Variants in COL6A6 observed in about 807,000 individuals in gnomAD.
COL6A6 encodes the protein collagen type VI alpha 6 chain, also known as collagen alpha-6(VI) chain.
In COL6A6, 183 loss-of-function variants were observed where a neutral mutation model predicts 208.6. The observed-to-expected ratio is 0.88, with a 90% CI of 0.78 to 0.99. COL6A6 has a LOEUF of 0.99. Ranked by LOEUF, COL6A6 falls within the 50% of genes least tolerant of loss-of-function variation. The probability of loss-of-function intolerance (pLI) is 0.00; values close to 1 mark genes in which losing one functional copy is unlikely to be tolerated. For synonymous variants in COL6A6, 973 were observed against 1,011.8 expected, an observed-to-expected ratio of 0.96 and a Z score of 0.73; for missense variants, 2,816 against 2,815.2, an observed-to-expected ratio of 1.00 and a Z score of -0.01.
rs1430128860 is a variant in COL6A6 at position 130,649,479 on chromosome 3, G to A, written c.5650G>A (p.Ala1884Thr). 3 of 1,610,544 alleles carry A rather than the reference G, an allele frequency of 1.9e-6. No individual in the cohort carries two copies. The highest frequency in any genetic ancestry group is 2.5e-6 in the Non-Finnish European group (3 of 1,178,510). The change falls in exon 33 of 37, where the codon GCT becomes ACT. Residue 1884 changes from alanine to threonine, a missense_variant. By Grantham distance (58) the Ala-to-Thr change is moderately conservative. Coordinates refer to ENST00000358511, the MANE Select transcript of COL6A6 (RefSeq NM_001102608.3). ...CGCGGATGCCCACTCCATCACCACG[G>A]CTGCCATGGAGTTCGGCGCGCTTGA... The part of the protein sequence containing the change: ...QSADAHSITT[A>T]AMEFGALEII...
chr3:130,602,618 T>C (rs1240421431), intron 20 of COL6A6, among the ~76,000 whole-genome samples: 1 of 152,064 alleles, frequency 6.6e-6, no homozygotes, highest in Non-Finnish European at 1.5e-5. Flanking sequence ...TGAGGAGAAA[T>C]GGAAGGGAAA....
At chr3:130,640,669 A>G (rs1005286132) in intron 28 of COL6A6, among the ~76,000 whole-genome samples, 2 of 152,096 alleles carry the variant, frequency 1.3e-5, no homozygotes, top group African/African-American at 4.8e-5. Context: ...AAATATTCCA[A>G]TTTTTAAACT....
intron 24 of COL6A6, among the ~76,000 whole-genome samples, chr3:130,624,433 C>T (rs1318117854): frequency 6.6e-6 from 1 of 152,060 alleles, no homozygotes; most frequent in Non-Finnish European, 1.5e-5. Context: ...GAGGATGTAA[C>T]AAGATAATGG....
intron 1 of COL6A6, among the ~76,000 whole-genome samples, chr3:130,557,917 A>T (rs576761771): frequency 7.9e-5 from 12 of 152,278 alleles, no homozygotes; most frequent in African/African-American, 2.6e-4. Flanking sequence ...TAGATTTTTT[A>T]AAAAGACCTT....
At position 130,565,374 on chromosome 3, in the gene COL6A6, G is replaced by T; in HGVS notation, c.1042G>T (p.Val348Leu). 1 of 1,613,916 alleles carries T rather than the reference G, an allele frequency of 6.2e-7. No individual in the cohort carries two copies. Among genetic ancestry groups the T allele is most frequent in the Non-Finnish European group, 8.5e-7 (1 of 1,179,888 alleles). The stretch of plus-strand genomic sequence containing the variant: ...GACCCACCGAGATTCAGAAGACAAC[G>T]TGACAAAAGCAGCTGTTAACCTCCG... ...LVTHRDSEDNVTKAAVNLRRE... is the reference protein window; with the variant it reads ...LVTHRDSEDNLTKAAVNLRRE... Residue 348 changes from valine (V) to leucine (L), a missense_variant, in exon 4 of 37, where the codon GTG (valine) becomes TTG (leucine). Coordinates refer to ENST00000358511, the MANE Select transcript of COL6A6 (RefSeq NM_001102608.3).
intron 1 of COL6A6, among the ~76,000 whole-genome samples, chr3:130,522,790 C>G (rs1196468619): frequency 6.6e-6 from 1 of 152,106 alleles, no homozygotes; most frequent in Admixed American, 6.6e-5. Context: ...TCTAATCAGT[C>G]TCCAAGTCTT....
At chr3:130,574,604 C>A in intron 8 of COL6A6, 79 bp downstream of exon 8, 2 of 1,181,488 alleles carry the variant, frequency 1.7e-6, no homozygotes, top group African/African-American at 1.5e-5. Context: ...TTGTCATCCC[C>A]TGGGGCTAGT....
chr3:130,610,961 G>A (rs1035104151), intron 23 of COL6A6, among the ~76,000 whole-genome samples: 5 of 152,112 alleles, frequency 3.3e-5, no homozygotes, highest in East Asian at 1.9e-4. Context: ...AAATCAGGTC[G>A]CATCACTCCC....
At chr3:130,588,274 T>C (rs2063586688) in intron 11 of COL6A6, among the ~76,000 whole-genome samples, 1 of 152,244 alleles carries the variant, frequency 6.6e-6, no homozygotes, top group African/African-American at 2.4e-5. Context: ...TAGAAATTTA[T>C]TGGGAAACTT....
At chr3:130,640,716 A>G (rs1002712560) in intron 28 of COL6A6, among the ~76,000 whole-genome samples, 1 of 152,088 alleles carries the variant, frequency 6.6e-6, no homozygotes, top group Non-Finnish European at 1.5e-5. Flanking sequence ...TGTTGAATGC[A>G]CGTGAAAATA....
intron 19 of COL6A6, among the ~76,000 whole-genome samples, chr3:130,598,915 T>G (rs1193654874): frequency 1.3e-5 from 2 of 152,224 alleles, no homozygotes; most frequent in Admixed American, 1.3e-4. Context: ...AAACCTGTTT[T>G]CAGTATTTAA....
intron 1 of COL6A6, among the ~76,000 whole-genome samples, chr3:130,543,395 A>T (rs73870081): frequency 0.033 from 4,993 of 152,172 alleles, 293 homozygotes; most frequent in African/African-American, 0.11. Context: ...TTTCTATTCG[A>T]TGCCCTTTTT....
intron 10 of COL6A6, among the ~76,000 whole-genome samples, chr3:130,584,922 T>TCTTC (rs1316820569): frequency 1.3e-5 from 2 of 151,776 alleles, no homozygotes; most frequent in African/African-American, 4.9e-5. Context: ...CCTCTTTCTT[T>TCTTC]CTTCCACTGC....
At chr3:130,646,746 G>A (rs971456540) in intron 32 of COL6A6, among the ~76,000 whole-genome samples, 3 of 152,228 alleles carry the variant, frequency 2.0e-5, no homozygotes, top group Non-Finnish European at 4.4e-5. Flanking sequence ...AATAGGCAAA[G>A]GCCAGAGCAA....
intron 36 of COL6A6, among the ~76,000 whole-genome samples, chr3:130,674,129 A>G (rs529740316): frequency 6.6e-6 from 1 of 152,336 alleles, no homozygotes; most frequent in East Asian, 1.9e-4. Context: ...AATGTGTTTG[A>G]ACCCAAAACT....
intron 10 of COL6A6, among the ~76,000 whole-genome samples, chr3:130,585,375 G>A (rs1169387820): frequency 6.6e-6 from 1 of 152,196 alleles, no homozygotes; most frequent in Non-Finnish European, 1.5e-5. Context: ...TTGCTTGTCT[G>A]TAAAATAGGA....
chr3:130,529,254 A>AG, intron 1 of COL6A6, among the ~76,000 whole-genome samples: 1 of 151,498 alleles, frequency 6.6e-6, no homozygotes, highest in Middle Eastern at 3.4e-3. Flanking sequence ...GGAAAAACAC[A>AG]GCAGGAAATG....
chr3:130,629,095 C>A (rs1434959293), intron 26 of COL6A6, among the ~76,000 whole-genome samples: 8 of 41,458 alleles, frequency 1.9e-4, no homozygotes, highest in African/African-American at 1.7e-3. Flanking sequence ...GATCAAATTA[C>A]TCTGAGCTAC....
chr3:130,649,675 A>C (rs948895846), intron 33 of COL6A6, 113 bp downstream of exon 33: 28 of 1,177,870 alleles, frequency 2.4e-5, no homozygotes, highest in Non-Finnish European at 3.2e-5. Flanking sequence ...AGTTTAAAAA[A>C]TTCTGGATTG....
Sources: gnomAD v4.1 joint callset for allele counts (sites outside exome capture counted in the v4.1 genomes callset) on GRCh38, gnomAD v4.1.1 for gene constraint, MANE v1.5 for transcripts, NCBI Gene and HGNC (gene_info 2026-07-23, HGNC 2026-07-21) for gene names.